Variants in CC2D2B observed in about 807,000 individuals in gnomAD.
The protein encoded by CC2D2B is coiled-coil and C2 domain containing 2B.
Under a neutral mutation model 161.2 loss-of-function variants are expected in CC2D2B, and 128 were observed. The observed-to-expected ratio is 0.79, with a 90% CI of 0.69 to 0.92. The LOEUF is 0.92. Among genes scored for constraint, CC2D2B ranks in the 40% least tolerant of loss-of-function variants. The pLI, the probability that CC2D2B is intolerant of heterozygous loss-of-function variation, is 0.00. For missense variants in CC2D2B, 1,173 were observed against 1,375.1 expected, an observed-to-expected ratio of 0.85 and a Z score of 2.32; for synonymous variants, 391 against 449.8, an observed-to-expected ratio of 0.87 and a Z score of 1.65.
intron 6 of CC2D2B, among the ~76,000 whole-genome samples, chr10:95,937,361 T>C (rs2075860486): frequency 6.6e-6 from 1 of 152,204 alleles, no homozygotes; most frequent in African/African-American, 2.4e-5. Context: ...CTTTCATGAA[T>C]AGACTCATTA....
intron 26 of CC2D2B, among the ~76,000 whole-genome samples, chr10:96,011,415 C>G (rs1039333308): frequency 2.0e-5 from 3 of 152,150 alleles, no homozygotes; most frequent in African/African-American, 7.2e-5. Flanking sequence ...ACAAATACTT[C>G]AATTCTCTGA....
chr10:95,996,190 C>T lies in CC2D2B; in HGVS notation c.2787C>T (p.Tyr929=). The T allele has an allele frequency of 6.6e-7, 1 of 1,519,110 alleles. No individual in the cohort carries two copies. Among genetic ancestry groups the T allele is most frequent in the Non-Finnish European group, 8.8e-7 (1 of 1,135,636 alleles). 94.1% of individuals were successfully genotyped at this position (1,519,110 alleles called of 1,614,324 possible). A position where few individuals can be genotyped will look rare whatever the true frequency, so the allele number is the denominator to read the frequency against. ...FVEVSFQHTV[Y]KTNTASGSHP... is the part of the protein sequence containing the mutation. ...AAGTTTCTTTCCAGCACACTGTATA[C>T]AAAACCAATACAGCAAGTGGATCTC... The change falls in exon 24 of 35, where the codon TAC becomes TAT. Residue 929 remains tyrosine (Y), a synonymous_variant. Transcript: ENST00000646931.
At chr10:95,951,838 T>C (rs2076412088) in intron 10 of CC2D2B, among the ~76,000 whole-genome samples, 1 of 152,224 alleles carries the variant, frequency 6.6e-6, no homozygotes, top group African/African-American at 2.4e-5. Context: ...ATTTGCAATA[T>C]GTTTCAGTAT....
Position 95,968,808 on chromosome 10 carries a change from T to C in CC2D2B, c.1551T>C (p.Thr517=). 1.7e-6 allele frequency: 2 copies of C among 1,204,840 alleles called. No homozygotes were observed. The highest frequency in any genetic ancestry group is 2.1e-6 in the Non-Finnish European group (2 of 963,176). 74.6% of individuals were successfully genotyped at this position (1,204,840 alleles called of 1,614,324 possible). A position where few individuals can be genotyped will look rare whatever the true frequency, so the allele number is the denominator to read the frequency against. Residue 517 remains threonine, a synonymous_variant, in exon 15 of 35, where the codon ACT becomes ACC. Transcript: ENST00000646931. ...ACAACAATAAACAGGTTTCTTGTAC[T>C]TCAGTATCTCCCCTACAGTTTGATT... ...IFYNNKQVSC[T]SVSPLQFDFK... is the part of the protein sequence containing the mutation.
At chr10:95,937,001 C>T (rs2075847049) in intron 6 of CC2D2B, among the ~76,000 whole-genome samples, 1 of 152,096 alleles carries the variant, frequency 6.6e-6, no homozygotes, top group Non-Finnish European at 1.5e-5. Flanking sequence ...TAGATGTTGG[C>T]ATACTTTATT....
At chr10:96,012,158 A>G (rs2079021716) in intron 26 of CC2D2B, 27 bp from the exon 27 acceptor site, 1 of 612,994 alleles carries the variant, frequency 1.6e-6, no homozygotes. Context: ...ATCATGCATA[A>G]TCCATTATAC....
chr10:96,012,025 A>G (rs1326075179), intron 26 of CC2D2B, among the ~76,000 whole-genome samples, 160 bp from the exon 27 acceptor site: 1 of 152,164 alleles, frequency 6.6e-6, no homozygotes, highest in Non-Finnish European at 1.5e-5. Flanking sequence ...ACACATCACC[A>G]CAGAGAACCT....
intron 33 of CC2D2B, among the ~76,000 whole-genome samples, chr10:96,026,360 G>A (rs1287212386): frequency 1.3e-5 from 2 of 152,108 alleles, no homozygotes; most frequent in East Asian, 3.9e-4. Flanking sequence ...GGGTAACAAT[G>A]CCTGCCCTTA....
intron 31 of CC2D2B, 82 bp from the exon 32 acceptor site, chr10:96,019,620 G>A (rs1287993820): frequency 1.5e-6 from 2 of 1,372,256 alleles, no homozygotes; most frequent in Non-Finnish European, 2.0e-6. Context: ...TAGTAAGACT[G>A]TAAAATTTTG....
chr10:95,938,844 A>G lies in CC2D2B; in HGVS notation c.720A>G (p.Thr240=). Residue 240 remains threonine (T), a synonymous_variant, in exon 9 of 35, where the codon ACA becomes ACG. Coordinates refer to ENST00000646931, the MANE Select transcript of CC2D2B (RefSeq NM_001349008.3). The part of the protein sequence containing the change: ...GESGEIMSLP[T]PIKQSWNFRL... ...GTGGAGAAATAATGTCATTACCTACACCTATTAAACAGTCATGGAATTTCA... is the reference window on the plus strand; with the variant it reads ...GTGGAGAAATAATGTCATTACCTACGCCTATTAAACAGTCATGGAATTTCA... 1 of 715,214 alleles carries G rather than the reference A, an allele frequency of 1.4e-6. No homozygotes were observed. The highest frequency in any genetic ancestry group is 2.6e-6 in the Non-Finnish European group (1 of 384,210). 44.3% of individuals were successfully genotyped at this position (715,214 alleles called of 1,614,324 possible).
chr10:95,922,564 CT>C (rs1379799500), intron 3 of CC2D2B, among the ~76,000 whole-genome samples: 3 of 152,144 alleles, frequency 2.0e-5, no homozygotes, highest in Admixed American at 2.0e-4. Flanking sequence ...TTCTCATGAC[CT>C]ATAGTTAGTT....
At chr10:96,029,241 CATATATAT>C (rs56195141) in intron 34 of CC2D2B, among the ~76,000 whole-genome samples, 1,989 of 67,014 alleles carry the variant, frequency 0.03, 41 homozygotes, top group East Asian at 0.16. Context: ...TTTCATGTAC[CATATATAT>C]ATATATATAT....
At chr10:95,984,449 A>C (rs1308845940) in intron 19 of CC2D2B, 1 of 152,228 alleles carries the variant, frequency 6.6e-6, no homozygotes, top group Non-Finnish European at 1.5e-5. Flanking sequence ...GTATTTATCT[A>C]GAGATGCTTA....
intron 6 of CC2D2B, among the ~76,000 whole-genome samples, chr10:95,936,707 CAGCTTGTCTCA>C (rs2075833684): frequency 6.6e-6 from 1 of 152,132 alleles, no homozygotes; most frequent in Non-Finnish European, 1.5e-5. Context: ...GTCCAGATCA[CAGCTTGTCTCA>C]AGCTAAAAAT....
In CC2D2B at chr10:96,005,938, A is replaced by G. The variant is rs998193860; in HGVS notation, c.2946+1690A>G. Among the ~76,000 whole-genome samples, 11 of 152,252 alleles carry G rather than the reference A, an allele frequency of 7.2e-5. No homozygotes were observed. In the South Asian group the frequency reaches 2.1e-3, roughly 29 times the overall value. On this transcript the variant is annotated intron_variant, in intron 25 of 34. Coordinates refer to ENST00000646931, the MANE Select transcript of CC2D2B (RefSeq NM_001349008.3). ...ATGTATTAGCATATAAATTTTCAGC[A>G]TAGTCTCATAATTTTTGACTTGCTA...
chr10:95,910,339 T>TC (rs779815985), intron 1 of CC2D2B, among the ~76,000 whole-genome samples: 1 of 152,222 alleles, frequency 6.6e-6, no homozygotes, highest in Non-Finnish European at 1.5e-5. Flanking sequence ...GGCTCACAGT[T>TC]CTGCAGGCTA....
chr10:95,916,064 C>T (rs2098515793), intron 2 of CC2D2B, among the ~76,000 whole-genome samples: 1 of 152,016 alleles, frequency 6.6e-6, no homozygotes, highest in South Asian at 2.1e-4. Flanking sequence ...TTTATTATGG[C>T]TTTGATCTTG....
intron 9 of CC2D2B, 125 bp from the exon 10 acceptor site, chr10:95,949,771 T>A (rs2076341217): frequency 5.1e-6 from 2 of 395,792 alleles, no homozygotes; most frequent in Admixed American, 8.8e-5. Flanking sequence ...AAATTATTAT[T>A]TTTTGTTTTT....
intron 7 of CC2D2B, 67 bp from the exon 8 acceptor site, chr10:95,938,502 T>C: frequency 1.6e-6 from 1 of 630,450 alleles, no homozygotes. Flanking sequence ...TTTGTACTAC[T>C]TATTTGGTCA....
Sources: allele counts gnomAD v4.1 joint callset (sites outside exome capture counted in the v4.1 genomes callset), GRCh38; gene constraint gnomAD v4.1.1; transcripts MANE v1.5; gene names NCBI Gene and HGNC (gene_info 2026-07-23, HGNC 2026-07-21).